The following EYS variants were observed in gnomAD, a reference collection of about 807,000 sequenced individuals.
The protein encoded by EYS is protein eyes shut homolog.
A neutral mutation model predicts 282.1 loss-of-function variants in EYS; 250 were observed. The observed-to-expected ratio is 0.89, with a 90% CI of 0.80 to 0.98. The LOEUF is 0.98. Ranked by LOEUF, EYS falls within the 50% of genes least tolerant of loss-of-function variation. The probability of loss-of-function intolerance (pLI) is 0.00; values close to 1 mark genes in which losing one functional copy is unlikely to be tolerated. For synonymous variants in EYS, 1,355 were observed against 1,282.9 expected (o/e 1.06, Z -1.20); for missense variants, 4,016 against 3,709.0 (o/e 1.08, Z -2.15).
At chr6:63,915,736 T>G (rs1187775316) in intron 35 of EYS, among the ~76,000 whole-genome samples, 1 of 152,176 alleles carries the variant, frequency 6.6e-6, no homozygotes, top group African/African-American at 2.4e-5. Flanking sequence ...TACTCATGGA[T>G]GACTTTGAGG....
At chr6:64,356,470 T>C (rs899156534) in intron 29 of EYS, among the ~76,000 whole-genome samples, 22 of 151,850 alleles carry the variant, frequency 1.4e-4, no homozygotes, top group Non-Finnish European at 7.4e-5. Flanking sequence ...GTTTATACTT[T>C]AGGAGAATGT....
chr6:64,948,595 AAATATTAAAT>A lies in EYS; in HGVS notation c.2260-2691_2260-2682del, dbSNP rs1338257766. Among the ~76,000 whole-genome samples, 48 of 146,958 alleles carry A rather than the reference AAATATTAAAT, an allele frequency of 3.3e-4. 1 individual carries two copies. The South Asian group carries it at 7.6e-3, about 23-fold the overall frequency. ...TAATATTAAATATTAAGTAATTATT[AAATATTAAAT>A]AATATTAAATAATAGTAAATACTAG... On this transcript the variant is annotated intron_variant, in intron 14 of 42. Coordinates refer to ENST00000503581, the MANE Select transcript of EYS (RefSeq NM_001142800.2).
rs1039847648 is a variant in EYS at position 63,864,218 on chromosome 6, G to A, written c.7196C>T (p.Pro2399Leu). ...GCAGAGGGGTCCAGACCTCCCATAT[G>A]GGCAGAGGCAGACAATATCTGTTCC... ...KSGTDIVCLCPYGRSGPLCTD... is the reference protein window; with the variant it reads ...KSGTDIVCLCLYGRSGPLCTD... Residue 2399 changes from proline (P) to leucine (L), a missense_variant, in exon 36 of 43, where the codon CCA becomes CTA. Pro to Leu is a moderately conservative substitution (Grantham distance 98). Transcript: ENST00000503581. The A allele has an allele frequency of 6.5e-7, 1 of 1,547,850 alleles. No individual in the cohort carries two copies. Among genetic ancestry groups the A allele is most frequent in the Non-Finnish European group, 8.7e-7 (1 of 1,144,452 alleles).
rs146789790 is a variant in EYS at position 65,173,171 on chromosome 6, C to T, written c.2024-115444G>A. Among the ~76,000 whole-genome samples, 284 of 151,344 alleles carry T rather than the reference C, an allele frequency of 1.9e-3. 1 individual carries two copies. The highest frequency in any genetic ancestry group is 2.9e-3 in the Non-Finnish European group (198 of 67,530). ...GATAACCTTATCCCATCTTAAATTA[C>T]GGTGGTGCTGTGATAGCCTTACATT... On this transcript the variant is annotated intron_variant, in intron 12 of 42. Transcript: ENST00000503581.
At chr6:65,705,821 CTATT>C (rs1769858656) in intron 1 of EYS, among the ~76,000 whole-genome samples, 1 of 151,936 alleles carries the variant, frequency 6.6e-6, no homozygotes, top group Non-Finnish European at 1.5e-5. Flanking sequence ...CCAATTAAAA[CTATT>C]AAGTTAAAAA....
intron 12 of EYS, among the ~76,000 whole-genome samples, chr6:65,237,079 A>G (rs1766946160): frequency 6.6e-6 from 1 of 152,214 alleles, no homozygotes; most frequent in Non-Finnish European, 1.5e-5. Context: ...TACAAAATGA[A>G]AATCTAAAAT....
intron 28 of EYS, among the ~76,000 whole-genome samples, chr6:64,423,733 G>A (rs1437374001): frequency 4.6e-5 from 7 of 152,030 alleles, no homozygotes; most frequent in African/African-American, 1.4e-4. Flanking sequence ...GCTTGAACTC[G>A]GAAGGCAGAG....
intron 35 of EYS, among the ~76,000 whole-genome samples, chr6:63,915,689 G>A (rs941690802): frequency 6.6e-6 from 1 of 152,168 alleles, no homozygotes; most frequent in African/African-American, 2.4e-5. Flanking sequence ...GGTCAGAATA[G>A]CAACATTAAC....
intron 8 of EYS, among the ~76,000 whole-genome samples, chr6:65,364,847 G>T (rs1162980719): frequency 1.3e-5 from 2 of 151,674 alleles, no homozygotes; most frequent in African/African-American, 4.8e-5. Context: ...AAAATGAAAT[G>T]TGTTTCTTCA....
At chr6:64,881,498 C>G (rs1464129210) in intron 19 of EYS, among the ~76,000 whole-genome samples, 1 of 151,620 alleles carries the variant, frequency 6.6e-6, no homozygotes, top group Non-Finnish European at 1.5e-5. Flanking sequence ...ACATTTTTTT[C>G]ATATCTTTGG....
chr6:64,100,472 C>A (rs1341937485), intron 31 of EYS, among the ~76,000 whole-genome samples: 1 of 152,028 alleles, frequency 6.6e-6, no homozygotes, highest in African/African-American at 2.4e-5. Context: ...CAGCCAAAAT[C>A]CTTTGGAGTA....
intron 34 of EYS, among the ~76,000 whole-genome samples, chr6:63,996,083 CAATT>C (rs763392283): frequency 4.2e-4 from 64 of 151,714 alleles, no homozygotes; most frequent in African/African-American, 9.4e-4. Context: ...TATTACCTGT[CAATT>C]AAATATATAA....
intron 35 of EYS, among the ~76,000 whole-genome samples, chr6:63,908,032 ACG>A (rs1418000680): frequency 3.4e-3 from 161 of 47,384 alleles, no homozygotes; most frequent in Middle Eastern, 0.022. Flanking sequence ...ATATATATAT[ACG>A]TTTGTGTGTG....
At chr6:65,541,294 A>G (rs557216906) in intron 2 of EYS, among the ~76,000 whole-genome samples, 48 of 152,322 alleles carry the variant, frequency 3.2e-4, no homozygotes, top group Middle Eastern at 3.4e-3. Context: ...TTAATAGTGT[A>G]TAACCACTGA....
intron 8 of EYS, among the ~76,000 whole-genome samples, chr6:65,371,701 C>T (rs1241154789): frequency 1.0e-5 from 1 of 97,634 alleles, no homozygotes; most frequent in Non-Finnish European, 2.1e-5. Context: ...TCCTCTCTCT[C>T]TCTCTCCCTC....
At chr6:64,724,481 T>C (rs1474142959) in intron 22 of EYS, among the ~76,000 whole-genome samples, 2 of 152,220 alleles carry the variant, frequency 1.3e-5, no homozygotes, top group African/African-American at 4.8e-5. Flanking sequence ...GCCTAATATG[T>C]GTTTGATATG....
intron 12 of EYS, among the ~76,000 whole-genome samples, chr6:65,148,817 G>T (rs904305043): frequency 6.6e-6 from 1 of 151,978 alleles, no homozygotes; most frequent in African/African-American, 2.4e-5. Flanking sequence ...CCCAAACCTC[G>T]CTTGACTTCT....
intron 1 of EYS, among the ~76,000 whole-genome samples, chr6:65,648,650 A>G (rs929811052): frequency 6.6e-6 from 1 of 152,010 alleles, no homozygotes; most frequent in Non-Finnish European, 1.5e-5. Flanking sequence ...AGAAATCACC[A>G]TTAGAGTACT....
intron 29 of EYS, among the ~76,000 whole-genome samples, chr6:64,323,951 G>A (rs767033930): frequency 4.6e-5 from 7 of 152,082 alleles, no homozygotes; most frequent in Non-Finnish European, 7.4e-5. Flanking sequence ...CCAAGAATGT[G>A]GGATCATCTA....
Sources: gnomAD v4.1 joint callset for allele counts (sites outside exome capture counted in the v4.1 genomes callset) on GRCh38, gnomAD v4.1.1 for gene constraint, MANE v1.5 for transcripts, NCBI Gene and HGNC (gene_info 2026-07-23, HGNC 2026-07-21) for gene names.